Variants in AFAP1L2 observed in about 807,000 individuals in gnomAD.
The protein encoded by AFAP1L2 is actin filament associated protein 1 like 2.
In AFAP1L2, 46 loss-of-function variants were observed where a neutral mutation model predicts 99.3. The ratio of observed to expected loss-of-function variants is 0.46; its 90% CI spans 0.37 to 0.59. AFAP1L2 has a LOEUF of 0.59. Among genes scored for constraint, AFAP1L2 ranks in the 20% least tolerant of loss-of-function variants. The pLI is 0.00. For synonymous variants in AFAP1L2, 397 were observed against 419.1 expected, an observed-to-expected ratio of 0.95 and a Z score of 0.64; for missense variants, 959 against 1,034.9, an observed-to-expected ratio of 0.93 and a Z score of 1.01.
chr10:114,363,516 TTTAA>T (rs1378164966), intron 1 of AFAP1L2, among the ~76,000 whole-genome samples: 1 of 152,232 alleles, frequency 6.6e-6, no homozygotes, highest in Non-Finnish European at 1.5e-5. Context: ...ACTTGTGTAA[TTTAA>T]TTAAATTTCA....
At chr10:114,374,493 C>T (rs980384695) in intron 1 of AFAP1L2, among the ~76,000 whole-genome samples, 3 of 152,122 alleles carry the variant, frequency 2.0e-5, no homozygotes, top group Non-Finnish European at 4.4e-5. Context: ...GACTCCCCTT[C>T]CCCAGCCCTG....
intron 2 of AFAP1L2, among the ~76,000 whole-genome samples, chr10:114,333,593 G>A (rs572066563): frequency 2.0e-5 from 3 of 152,122 alleles, no homozygotes; most frequent in Admixed American, 6.5e-5. Flanking sequence ...CGAGGCAGGC[G>A]GATCACTTGA....
At position 114,300,702 on chromosome 10, in the gene AFAP1L2, AGT is replaced by A. The variant is rs1564787625; in HGVS notation, c.1543-14_1543-13del. On this transcript the variant is annotated splice_polypyrimidine_tract_variant and intron_variant, in intron 13 of 18. Coordinates refer to ENST00000304129, the MANE Select transcript of AFAP1L2 (RefSeq NM_001001936.3). ...TCGGTAGGCTCCACCTGCAGGAGAGAGTGAGTCTGGGGCATTCAACATTACCT... is the reference window on the plus strand; with the variant it reads ...TCGGTAGGCTCCACCTGCAGGAGAGAGAGTCTGGGGCATTCAACATTACCT... 2 of 1,576,362 alleles carry A rather than the reference AGT, an allele frequency of 1.3e-6. No homozygotes were observed. Among genetic ancestry groups the A allele is most frequent in the East Asian group, 2.2e-5 (1 of 44,594 alleles).
downstream of AFAP1L2, chr10:114,290,147 G>A: frequency 6.7e-7 from 1 of 1,490,608 alleles, no homozygotes; most frequent in Non-Finnish European, 9.0e-7. Flanking sequence ...GACTCTAGTA[G>A]CCTTGCACCT....
chr10:114,296,699 C>T, intron 18 of AFAP1L2: 1 of 400,392 alleles, frequency 2.5e-6, no homozygotes, highest in Non-Finnish European at 4.7e-6. Context: ...TGCAGCTGGC[C>T]TCCTGGAATC....
intron 1 of AFAP1L2, among the ~76,000 whole-genome samples, chr10:114,343,512 C>A (rs1316387185): frequency 6.6e-6 from 1 of 152,174 alleles, no homozygotes; most frequent in Non-Finnish European, 1.5e-5. Flanking sequence ...GCTGGTCAGC[C>A]CCACCATGAC....
intron 4 of AFAP1L2, among the ~76,000 whole-genome samples, chr10:114,323,779 A>G (rs2045773004): frequency 6.6e-6 from 1 of 152,198 alleles, no homozygotes; most frequent in African/African-American, 2.4e-5. Context: ...AGAGGGACAC[A>G]TCGAAATTTC....
chr10:114,307,195 T>C (rs2134337695), intron 10 of AFAP1L2, among the ~76,000 whole-genome samples: 1 of 152,238 alleles, frequency 6.6e-6, no homozygotes, highest in East Asian at 1.9e-4. Flanking sequence ...CCATACCCTC[T>C]GCACCAGTAC....
chr10:114,334,277 T>C (rs1309252803), intron 2 of AFAP1L2, among the ~76,000 whole-genome samples: 1 of 152,160 alleles, frequency 6.6e-6, no homozygotes, highest in Non-Finnish European at 1.5e-5. Flanking sequence ...CCATTTCCAA[T>C]CCCCCAAGGA....
chr10:114,331,133 G>A (rs1190875705), intron 4 of AFAP1L2, among the ~76,000 whole-genome samples: 1 of 152,160 alleles, frequency 6.6e-6, no homozygotes, highest in East Asian at 1.9e-4. Flanking sequence ...AGGCCCTGAG[G>A]CCATGCTAAG....
chr10:114,347,638 G>A (rs2049803892), intron 1 of AFAP1L2, among the ~76,000 whole-genome samples: 2 of 151,990 alleles, frequency 1.3e-5, no homozygotes, highest in Non-Finnish European at 2.9e-5. Flanking sequence ...ATGGTCTCAA[G>A]TAGCTGGGAC....
chr10:114,357,649 A>G (rs569974205), intron 1 of AFAP1L2, among the ~76,000 whole-genome samples: 2 of 152,222 alleles, frequency 1.3e-5, no homozygotes, highest in African/African-American at 2.4e-5. Flanking sequence ...GAAGATAAAC[A>G]TGCAAATTCC....
chr10:114,389,001 A>C (rs1195471177), intron 1 of AFAP1L2, among the ~76,000 whole-genome samples: 1 of 152,216 alleles, frequency 6.6e-6, no homozygotes, highest in Non-Finnish European at 1.5e-5. Flanking sequence ...GAAAACAGTG[A>C]CACCACCAGT....
intron 5 of AFAP1L2, among the ~76,000 whole-genome samples, chr10:114,318,150 G>A (rs2044446538): frequency 6.6e-6 from 1 of 152,174 alleles, no homozygotes; most frequent in Non-Finnish European, 1.5e-5. Context: ...GTAGGATCAG[G>A]GTGATTTAAA....
Position 114,302,492 on chromosome 10 carries a change from G to A in AFAP1L2, c.1285-8C>T, listed in dbSNP as rs371254976. 11 of 1,613,738 alleles carry A rather than the reference G, an allele frequency of 6.8e-6. No individual in the cohort carries two copies. Among genetic ancestry groups the A allele is most frequent in the Admixed American group, 3.3e-5 (2 of 60,008 alleles). On this transcript the variant is annotated splice_polypyrimidine_tract_variant and splice_region_variant and intron_variant, in intron 11 of 18. Transcript: ENST00000304129. ...TTCCTCGGAAGACTTGGCCTGGAAC[G>A]AGGCCAAGAGAGACATAAGCAGGGC... is the stretch of plus-strand genomic sequence containing the variant.
intron 1 of AFAP1L2, among the ~76,000 whole-genome samples, chr10:114,350,847 G>A (rs1200333946): frequency 6.6e-6 from 1 of 152,150 alleles, no homozygotes; most frequent in Non-Finnish European, 1.5e-5. Flanking sequence ...GCACGTGAGG[G>A]CAGACTCAAG....
rs377471445 is a variant in AFAP1L2, at chr10:114,307,957, A to C, written c.968-48T>G. ...AATTCGTATTGCACGTGGTCCACCCACGTGCCCATGAGAGATGGAAAAAAT... is the reference window on the plus strand; with the variant it reads ...AATTCGTATTGCACGTGGTCCACCCCCGTGCCCATGAGAGATGGAAAAAAT... On this transcript the variant is annotated intron_variant, in intron 9 of 18. Transcript: ENST00000304129. The C allele has an allele frequency of 3.3e-4, 519 of 1,558,848 alleles. 5 individuals are homozygous for C. In the African/African-American group the frequency reaches 5.8e-3, roughly 18 times the overall value.
intron 1 of AFAP1L2, among the ~76,000 whole-genome samples, chr10:114,360,774 A>G (rs2052280134): frequency 6.6e-6 from 1 of 152,200 alleles, no homozygotes; most frequent in Non-Finnish European, 1.5e-5. Flanking sequence ...TTATCTCCCA[A>G]ATTTATTCCA....
rs1294482979 is a variant in AFAP1L2 at position 114,307,912 on chromosome 10, G to A, written c.968-3C>T. On this transcript the variant is annotated splice_region_variant and splice_polypyrimidine_tract_variant and intron_variant, in intron 9 of 18. Transcript: ENST00000304129. ...GCCAGCAGAACATTTCTTCTTGACT[G>A]TCAAGATGAGACAGAAAGCAATTCG... 10 of 1,613,674 alleles carry A rather than the reference G, an allele frequency of 6.2e-6. No homozygotes were observed. In the East Asian group the frequency reaches 6.7e-5, roughly 11 times the overall value.
Sources: gnomAD v4.1 joint callset for allele counts (sites outside exome capture counted in the v4.1 genomes callset) on GRCh38, gnomAD v4.1.1 for gene constraint, MANE v1.5 for transcripts, NCBI Gene and HGNC (gene_info 2026-07-23, HGNC 2026-07-21) for gene names.